Variants in MYO9A observed in about 807,000 individuals in gnomAD.
MYO9A encodes unconventional myosin-IXa.
In MYO9A, 103 loss-of-function variants were observed where a neutral mutation model predicts 293.3. The ratio of observed to expected loss-of-function variants is 0.35; its 90% CI spans 0.30 to 0.41. MYO9A has a LOEUF of 0.41. MYO9A is among the 10% of genes least tolerant of loss of function. MYO9A has a pLI of 1.00. For synonymous variants in MYO9A, 1,001 were observed against 1,035.7 expected (o/e 0.97, Z 0.64); for missense variants, 2,685 against 3,033.0 (o/e 0.89, Z 2.69).
chr15:72,028,992 T>A (rs1017342294), intron 3 of MYO9A, among the ~76,000 whole-genome samples: 1 of 152,312 alleles, frequency 6.6e-6, no homozygotes, highest in East Asian at 1.9e-4. Context: ...ATAGGGCTTA[T>A]TGTAGAGCAA....
Position 72,062,912 on chromosome 15 carries a change from C to A in MYO9A, c.-71-16278G>T, listed in dbSNP as rs1458151059. Among the ~76,000 whole-genome samples, 3 of 152,164 alleles carry A rather than the reference C, an allele frequency of 2.0e-5. No homozygotes were observed. In the East Asian group the frequency reaches 5.8e-4, roughly 29 times the overall value. On this transcript the variant is annotated intron_variant, in intron 1 of 41. Transcript: ENST00000356056. The stretch of plus-strand genomic sequence containing the variant: ...TGGCACAAGCTTGTGGTCCCAGCTA[C>A]TAAGGAGGCTGAGATGGGAGGATCA...
chr15:71,992,256 T>C (rs553213414), intron 10 of MYO9A, among the ~76,000 whole-genome samples: 14 of 152,320 alleles, frequency 9.2e-5, no homozygotes, highest in Admixed American at 6.5e-4. Flanking sequence ...TATTCTTCTA[T>C]TGCACTTCTA....
Position 71,824,631 on chromosome 15 carries a change from G to A in MYO9A, c.*1949C>T, listed in dbSNP as rs922536707. On this transcript the variant is annotated 3_prime_UTR_variant, in exon 42 of 42. Coordinates refer to ENST00000356056, the MANE Select transcript of MYO9A (RefSeq NM_006901.4). ...TCCTCTATCCTCTAGGAGATTCTCTGAAATTCAGATTTTTAAAAGCTTAAC... is the reference window on the plus strand; with the variant it reads ...TCCTCTATCCTCTAGGAGATTCTCTAAAATTCAGATTTTTAAAAGCTTAAC... 2.0e-5 allele frequency: 3 copies of A among 152,168 alleles called. No individual in the cohort carries two copies. The highest frequency in any genetic ancestry group is 6.5e-5 in the Admixed American group (1 of 15,272). 9.4% of individuals were successfully genotyped at this position (152,168 alleles called of 1,614,324 possible).
intron 1 of MYO9A, among the ~76,000 whole-genome samples, chr15:72,085,285 C>T (rs967752483): frequency 5.9e-5 from 9 of 151,688 alleles, no homozygotes; most frequent in African/African-American, 1.2e-4. Context: ...CCCCGCTTTT[C>T]GGGAAGCTGA....
chr15:72,018,960 TA>T, intron 6 of MYO9A, 78 bp downstream of exon 6: 2 of 1,122,692 alleles, frequency 1.8e-6, no homozygotes, highest in Non-Finnish European at 2.7e-6. Flanking sequence ...ATTTGCATTC[TA>T]AATCTTCAGA....
rs200788025 is a variant in MYO9A at position 71,826,794 on chromosome 15, G to T, written c.7433C>A (p.Thr2478Asn). ...CTGAGGCTTGTCTTCCAGGAATTTG[G>T]TCTGGCCCAATGGTCCTTCCATTCC... is the stretch of plus-strand genomic sequence containing the variant. ...ALGMEGPLGQ[T>N]KFLEDKPQFI... The change falls in exon 42 of 42, where the codon ACC (threonine) becomes AAC (asparagine). Residue 2478 changes from threonine to asparagine, a missense_variant. Physicochemically the swap from Thr to Asn is moderately conservative, Grantham distance 65 (BLOSUM62 0). This residue lies in a region of MYO9A where 350 missense variants were observed against 328.9 expected (regional missense o/e 1.06). Transcript: ENST00000356056. 1.9e-6 allele frequency: 3 copies of T among 1,614,164 alleles called. No individual in the cohort carries two copies. The highest frequency in any genetic ancestry group is 4.5e-5 in the East Asian group (2 of 44,888).
At chr15:71,949,243 C>T (rs1322614147) in intron 15 of MYO9A, among the ~76,000 whole-genome samples, 1 of 152,038 alleles carries the variant, frequency 6.6e-6, no homozygotes, top group African/African-American at 2.4e-5. Context: ...TGCTCTGTTG[C>T]CTAGGCTGGA....
intron 1 of MYO9A, among the ~76,000 whole-genome samples, chr15:72,086,326 G>A (rs2079726495): frequency 6.6e-6 from 1 of 152,026 alleles, no homozygotes; most frequent in Admixed American, 6.6e-5. Context: ...TGCACCCTCT[G>A]TGCACATTTA....
chr15:72,016,889 T>C (rs1282180453), intron 6 of MYO9A, among the ~76,000 whole-genome samples: 1 of 152,132 alleles, frequency 6.6e-6, no homozygotes, highest in Non-Finnish European at 1.5e-5. Context: ...ATCAAGTTCT[T>C]TACATGCACA....
At position 71,854,366 on chromosome 15, in the gene MYO9A, C is replaced by T. The variant is rs757169963; in HGVS notation, c.6346+11G>A. The T allele has an allele frequency of 1.5e-5, 22 of 1,469,332 alleles. No homozygotes were observed. The highest frequency in any genetic ancestry group is 2.0e-5 in the Non-Finnish European group (22 of 1,109,716). 91.0% of individuals were successfully genotyped at this position (1,469,332 alleles called of 1,614,324 possible). ...AAGTATTTCATTATGATTTAGAGGG[C>T]ACTATCTTACCTGTATCTAGACCCT... On this transcript the variant is annotated intron_variant, in intron 35 of 41. Coordinates refer to ENST00000356056, the MANE Select transcript of MYO9A (RefSeq NM_006901.4).
intron 28 of MYO9A, 49 bp downstream of exon 28, chr15:71,883,545 G>C: frequency 1.3e-6 from 2 of 1,569,164 alleles, no homozygotes; most frequent in African/African-American, 1.4e-5. Flanking sequence ...CTTTCAGAAA[G>C]AGTGAACAGA....
chr15:71,903,730 T>C (rs960622053), intron 21 of MYO9A, among the ~76,000 whole-genome samples, 199 bp downstream of exon 21: 2 of 152,204 alleles, frequency 1.3e-5, no homozygotes, highest in East Asian at 1.9e-4. Context: ...CTGGATTCTA[T>C]TACAATAAGC....
intron 18 of MYO9A, among the ~76,000 whole-genome samples, chr15:71,923,255 G>A (rs944062247): frequency 2.6e-5 from 4 of 152,142 alleles, no homozygotes; most frequent in African/African-American, 9.7e-5. Flanking sequence ...TTTTTAATGT[G>A]CTATTGAATT....
In MYO9A at chr15:71,935,413, A is replaced by G. The variant is rs1489569010; in HGVS notation, c.2450T>C (p.Leu817Ser). ...AGCAAATATTCCATCTTTATCAAGCAAGGAGGTGCCACTTGATAGTCTGCT... is the reference window on the plus strand; with the variant it reads ...AGCAAATATTCCATCTTTATCAAGCGAGGAGGTGCCACTTGATAGTCTGCT... ...RQSRLSSGTS[L>S]LDKDGIFANS... Residue 817 changes from leucine (L) to serine (S), a missense_variant, in exon 17 of 42, where the codon TTG becomes TCG. Transcript: ENST00000356056. 6.2e-7 allele frequency: 1 copy of G among 1,613,654 alleles called. No individual in the cohort carries two copies. Among genetic ancestry groups the G allele is most frequent in the South Asian group, 1.1e-5 (1 of 91,046 alleles).
intron 1 of MYO9A, 148 bp from the exon 2 acceptor site, chr15:72,046,782 G>A (rs1277486443): frequency 2.6e-5 from 11 of 430,220 alleles, no homozygotes; most frequent in Non-Finnish European, 4.0e-5. Context: ...GTTTCATTGA[G>A]ACCACATAAT....
At chr15:72,107,401 T>G (rs2080607872) in intron 1 of MYO9A, among the ~76,000 whole-genome samples, 1 of 151,772 alleles carries the variant, frequency 6.6e-6, no homozygotes, top group African/African-American at 2.4e-5. Flanking sequence ...ATACAAAAAT[T>G]AGCGAAGTAT....
rs755800954 is a variant in MYO9A, at chr15:72,046,267, A to C, written c.297T>G (p.Ser99Arg). 2.5e-6 allele frequency: 4 copies of C among 1,613,978 alleles called. No homozygotes were observed. Among genetic ancestry groups the C allele is most frequent in the Middle Eastern group, 1.6e-4 (1 of 6,062 alleles). The part of the protein sequence containing the change: ...WPRMALENRL[S>R]GEDYRFLLRE... The stretch of plus-strand genomic sequence containing the variant: ...TCAGAAGGAAGCGGTAGTCCTCTCC[A>C]CTTAAGCGATTTTCCAGAGCCATTC... The change falls in exon 2 of 42, where the codon AGT (serine) becomes AGG (arginine). Residue 99 changes from serine (S) to arginine (R), a missense_variant. Physicochemically the swap from Ser to Arg is moderately radical, Grantham distance 110. Coordinates refer to ENST00000356056, the MANE Select transcript of MYO9A (RefSeq NM_006901.4).
intron 18 of MYO9A, among the ~76,000 whole-genome samples, chr15:71,920,477 G>C (rs1413249610): frequency 6.6e-6 from 1 of 152,064 alleles, no homozygotes; most frequent in Non-Finnish European, 1.5e-5. Context: ...CATTCCATGA[G>C]GAATGAACCA....
intron 1 of MYO9A, among the ~76,000 whole-genome samples, chr15:72,088,474 GCT>G (rs1393190487): frequency 1.3e-5 from 2 of 152,066 alleles, no homozygotes; most frequent in Non-Finnish European, 2.9e-5. Flanking sequence ...TCTGATCTCT[GCT>G]CTTAGTATTT....
Sources: allele counts gnomAD v4.1 joint callset (sites outside exome capture counted in the v4.1 genomes callset), GRCh38; gene constraint gnomAD v4.1.1; regional missense constraint gnomAD v4.1.1; transcripts MANE v1.5; gene names NCBI Gene and HGNC (gene_info 2026-07-23, HGNC 2026-07-21).